The following MYRIP variants were observed in gnomAD, a reference collection of about 807,000 sequenced individuals.
MYRIP encodes rab effector MyRIP.
In MYRIP, 49 loss-of-function variants were observed where a neutral mutation model predicts 98.0. That is an observed-to-expected ratio of 0.50 (90% CI 0.40 to 0.63). MYRIP has a LOEUF of 0.63. Ranked by LOEUF, MYRIP falls within the 30% of genes least tolerant of loss-of-function variation. The pLI is 0.00. For missense variants in MYRIP, 1,004 were observed against 1,058.2 expected (o/e 0.95, Z 0.71); for synonymous variants, 404 against 409.5 (o/e 0.99, Z 0.16).
At chr3:40,192,309 C>CATATATATATG (rs1322376887) in intron 10 of MYRIP, among the ~76,000 whole-genome samples, 1 of 57,954 alleles carries the variant, frequency 1.7e-5, no homozygotes, top group African/African-American at 1.1e-4. Context: ...TAGTTTTCTT[C>CATATATATATG]ATATATATAT....
chr3:39,922,422 T>TCTTG (rs1411806960), intron 2 of MYRIP, among the ~76,000 whole-genome samples: 3 of 152,150 alleles, frequency 2.0e-5, no homozygotes, highest in Admixed American at 6.5e-5. Context: ...CCTTCACCTC[T>TCTTG]CTTGTGGTGT....
intron 3 of MYRIP, among the ~76,000 whole-genome samples, chr3:40,074,144 G>A (rs11927410): frequency 0.024 from 3,684 of 150,954 alleles, 101 homozygotes; most frequent in African/African-American, 0.063. Context: ...GCGCGATCTC[G>A]GCTCACTGCA....
At chr3:40,191,893 G>A (rs1014627722) in intron 10 of MYRIP, among the ~76,000 whole-genome samples, 1 of 152,132 alleles carries the variant, frequency 6.6e-6, no homozygotes, top group Admixed American at 6.5e-5. Flanking sequence ...TCACTTGCAG[G>A]TGTAAAATGT....
chr3:40,219,004 CA>C (rs1559460891), intron 11 of MYRIP, among the ~76,000 whole-genome samples: 1 of 151,918 alleles, frequency 6.6e-6, no homozygotes, highest in Non-Finnish European at 1.5e-5. Flanking sequence ...ATTAATGAAA[CA>C]CAATAGAAAA....
rs540699905 is a variant in MYRIP at position 39,988,663 on chromosome 3, T to C, written c.111-55387T>C. 6.6e-5 allele frequency among the ~76,000 whole-genome samples: 10 copies of C among 152,202 alleles called. No homozygotes were observed. The East Asian group carries it at 1.9e-3, about 29-fold the overall frequency. ...CAGGTACTCCAATCAATTGTAGGTT[T>C]GGTCTTTTTGCATAGTCCCATATTT... On this transcript the variant is annotated intron_variant, in intron 2 of 16. Coordinates refer to ENST00000302541, the MANE Select transcript of MYRIP (RefSeq NM_015460.4).
In MYRIP at chr3:40,244,602, C is replaced by T; in HGVS notation, c.2257C>T (p.Leu753Phe). The change falls in exon 13 of 17, where the codon CTC becomes TTC. Residue 753 changes from leucine to phenylalanine, a missense_variant. Around this residue, in one of 3 missense-constraint regions of MYRIP, gnomAD observed 16 missense variants for 39.5 expected, o/e 0.41. Transcript: ENST00000302541. Reference protein sequence around the residue: ...TAAAQVHHAELQISDIESRIS... With the variant: ...TAAAQVHHAEFQISDIESRIS... The stretch of plus-strand genomic sequence containing the variant: ...TGCAGCCCAAGTCCACCATGCTGAA[C>T]TCCAGGTGAGAACTCTCCTCTCTGC... 1.2e-6 allele frequency: 2 copies of T among 1,611,962 alleles called. No homozygotes were observed. Among genetic ancestry groups the T allele is most frequent in the Non-Finnish European group, 1.7e-6 (2 of 1,179,026 alleles).
intron 3 of MYRIP, among the ~76,000 whole-genome samples, chr3:40,083,773 C>G (rs544551822): frequency 2.2e-4 from 33 of 152,122 alleles, no homozygotes; most frequent in Non-Finnish European, 3.8e-4. Flanking sequence ...TTTTTAAGTG[C>G]TGAAAGAAAA....
intron 2 of MYRIP, among the ~76,000 whole-genome samples, chr3:39,974,582 G>A (rs1250724105): frequency 6.6e-6 from 1 of 152,114 alleles, no homozygotes. Context: ...ACCAAAGCCT[G>A]GCAGAGACAC....
chr3:39,873,325 A>C (rs1391022098), intron 1 of MYRIP, among the ~76,000 whole-genome samples: 1 of 152,172 alleles, frequency 6.6e-6, no homozygotes, highest in Non-Finnish European at 1.5e-5. Flanking sequence ...TTTGCTGTGC[A>C]GAAGCTCCTT....
chr3:39,957,296 C>A (rs1350706239), intron 2 of MYRIP, among the ~76,000 whole-genome samples: 1 of 151,686 alleles, frequency 6.6e-6, no homozygotes, highest in Non-Finnish European at 1.5e-5. Context: ...ACTGGCAAAC[C>A]GAATCCAGCA....
chr3:40,218,074 C>T (rs916779630), intron 11 of MYRIP, among the ~76,000 whole-genome samples: 2 of 151,914 alleles, frequency 1.3e-5, no homozygotes, highest in Non-Finnish European at 2.9e-5. Flanking sequence ...TTGCAATAGC[C>T]GCAAAAGTAC....
rs917318115 is a variant in MYRIP, at chr3:40,222,421, C to T, written c.1906-11438C>T. Among the ~76,000 whole-genome samples, 7 of 152,222 alleles carry T rather than the reference C, an allele frequency of 4.6e-5. No homozygotes were observed. The East Asian group carries it at 1.2e-3, about 25-fold the overall frequency. ...CTATCCTGGCCCTGTTTTAACTAGT[C>T]CTCAGTTTAGTCCAGTGTCTGAGCC... On this transcript the variant is annotated intron_variant, in intron 11 of 16. Coordinates refer to ENST00000302541, the MANE Select transcript of MYRIP (RefSeq NM_015460.4).
chr3:40,233,203 A>ACACCTAGCTG (rs994232699), intron 11 of MYRIP: 3 of 152,274 alleles, frequency 2.0e-5, no homozygotes, highest in African/African-American at 7.2e-5. Flanking sequence ...TCATATGACT[A>ACACCTAGCTG]CACCTAGCTG....
At chr3:39,917,504 ACAC>A (rs1460996362) in intron 2 of MYRIP, among the ~76,000 whole-genome samples, 3 of 151,362 alleles carry the variant, frequency 2.0e-5, no homozygotes, top group Non-Finnish European at 4.4e-5. Context: ...AACTTCCAAA[ACAC>A]TTTAAGCCTT....
Position 40,114,115 on chromosome 3 carries a change from A to G in MYRIP, c.333-36933A>G, listed in dbSNP as rs141935316. On this transcript the variant is annotated intron_variant, in intron 3 of 16. Transcript: ENST00000302541. ...AAAACATAATTTTCTGCAACACAGAATATAGTCATGCACCACATAACAACA... is the reference window on the plus strand; with the variant it reads ...AAAACATAATTTTCTGCAACACAGAGTATAGTCATGCACCACATAACAACA... Among the ~76,000 whole-genome samples, 44 of 152,388 alleles carry G rather than the reference A, an allele frequency of 2.9e-4. 1 individual carries two copies. Among genetic ancestry groups the G allele is most frequent in the African/African-American group, 1.0e-3 (43 of 41,602 alleles).
chr3:39,880,038 TTTA>T (rs1317459677), intron 1 of MYRIP, among the ~76,000 whole-genome samples: 2 of 151,956 alleles, frequency 1.3e-5, no homozygotes, highest in East Asian at 1.9e-4. Context: ...GGTTCCCCTT[TTTA>T]TTATTATTAT....
chr3:40,243,419 G>T (rs909520171), intron 12 of MYRIP, among the ~76,000 whole-genome samples: 2 of 93,260 alleles, frequency 2.1e-5, no homozygotes, highest in Non-Finnish European at 4.5e-5. Context: ...AAAAAAAAAA[G>T]TGCATGACTA....
chr3:39,877,898 C>T (rs1053455100), intron 1 of MYRIP, among the ~76,000 whole-genome samples: 1 of 152,218 alleles, frequency 6.6e-6, no homozygotes, highest in Non-Finnish European at 1.5e-5. Context: ...ACATATAAGT[C>T]TGCAGAGGTT....
In MYRIP at chr3:39,892,031, G is replaced by A. The variant is rs190333543; in HGVS notation, c.-30-8756G>A. On this transcript the variant is annotated intron_variant, in intron 1 of 16. Coordinates refer to ENST00000302541, the MANE Select transcript of MYRIP (RefSeq NM_015460.4). ...CTCTCTTTGTATTTATGGATTTTCC[G>A]TCTTCCTCTAGAAAGCTTCTTCTAT... Among the ~76,000 whole-genome samples, 15 of 151,726 alleles carry A rather than the reference G, an allele frequency of 9.9e-5. No individual in the cohort carries two copies. In the South Asian group the frequency reaches 1.0e-3, roughly 11 times the overall value.
Sources: allele counts gnomAD v4.1 joint callset (sites outside exome capture counted in the v4.1 genomes callset), GRCh38; gene constraint gnomAD v4.1.1; regional missense constraint gnomAD v4.1.1; transcripts MANE v1.5; gene names NCBI Gene and HGNC (gene_info 2026-07-23, HGNC 2026-07-21).